The following TBCD variants were observed in gnomAD, a reference collection of about 807,000 sequenced individuals.
The protein encoded by TBCD is tubulin-specific chaperone D.
Under a neutral mutation model 169.3 loss-of-function variants are expected in TBCD, and 105 were observed. The ratio of observed to expected loss-of-function variants is 0.62; its 90% confidence interval spans 0.53 to 0.73. TBCD has a LOEUF of 0.73. TBCD is among the 30% of genes least tolerant of loss of function. The pLI is 0.00. For missense variants in TBCD, 1,444 were observed against 1,600.1 expected, an observed-to-expected ratio of 0.90 and a Z score of 1.66; for synonymous variants, 700 against 643.9, an observed-to-expected ratio of 1.09 and a Z score of -1.32.
intron 14 of TBCD, among the ~76,000 whole-genome samples, chr17:82,871,777 A>G (rs1344762839): frequency 6.6e-6 from 1 of 151,908 alleles, no homozygotes; most frequent in East Asian, 1.9e-4. Context: ...TGGCGGGGCC[A>G]GCGTTGGCCT....
At chr17:82,865,663 G>A in intron 13 of TBCD, 2 of 511,274 alleles carry the variant, frequency 3.9e-6, no homozygotes, top group Non-Finnish European at 5.0e-6. Flanking sequence ...TTTATGCCTG[G>A]CAGTGATGTT....
At chr17:82,854,531 G>A (rs147525622) in intron 13 of TBCD, among the ~76,000 whole-genome samples, 2 of 152,350 alleles carry the variant, frequency 1.3e-5, no homozygotes, top group African/African-American at 2.4e-5. Flanking sequence ...CATCAGAAAG[G>A]CCTGCAGGTT....
intron 6 of TBCD, among the ~76,000 whole-genome samples, chr17:82,779,594 G>A (rs1274490008): frequency 1.3e-5 from 2 of 152,194 alleles, no homozygotes; most frequent in African/African-American, 2.4e-5. Context: ...TTTTGTGAGG[G>A]CCATGACCGA....
intron 13 of TBCD, among the ~76,000 whole-genome samples, chr17:82,856,925 C>T (rs1198076184): frequency 2.9e-5 from 4 of 138,092 alleles, no homozygotes; most frequent in Non-Finnish European, 6.1e-5. Flanking sequence ...TGCGGACCCT[C>T]GGTGCGCATC....
At chr17:82,905,006 GC>G (rs1436131088) in intron 19 of TBCD, among the ~76,000 whole-genome samples, 5 of 152,278 alleles carry the variant, frequency 3.3e-5, no homozygotes, top group African/African-American at 1.2e-4. Context: ...TCAAACCATC[GC>G]AAGCCTGGCA....
At chr17:82,811,085 C>T (rs1394179692) in intron 12 of TBCD, among the ~76,000 whole-genome samples, 1 of 152,186 alleles carries the variant, frequency 6.6e-6, no homozygotes, top group Admixed American at 6.5e-5. Context: ...GAGGGTGCTA[C>T]GTGCTTGGCT....
rs1568079302 is a variant in TBCD at position 82,752,098 on chromosome 17, C to G, written c.-96C>G. On this transcript the variant is annotated 5_prime_UTR_variant, in exon 1 of 39. Coordinates refer to ENST00000355528, the MANE Select transcript of TBCD (RefSeq NM_005993.5). ...CGGTTGCCGCCTTAGCGGGCGCCTC[C>G]TTTTCATCCCTCATCCTTCATCCCT... 10 of 1,321,968 alleles carry G rather than the reference C, an allele frequency of 7.6e-6. No homozygotes were observed. The highest frequency in any genetic ancestry group is 8.8e-6 in the Non-Finnish European group (9 of 1,023,364). 81.9% of individuals were successfully genotyped at this position (1,321,968 alleles called of 1,614,324 possible).
rs144812569 is a variant in TBCD at position 82,806,522 on chromosome 17, G to C, written c.1087+511G>C. Among the ~76,000 whole-genome samples, 1,138 of 152,174 alleles carry C rather than the reference G, an allele frequency of 7.5e-3. 11 individuals are homozygous for C. The highest frequency in any genetic ancestry group is 0.026 in the African/African-American group (1,086 of 41,514). On this transcript the variant is annotated intron_variant, in intron 10 of 38. Transcript: ENST00000355528. This position sits in a 1 kb window ranked among gnomAD's most constrained non-coding sequence, Gnocchi z 5.1. ...GAGCCCCTCATGGCGGCCATCCTGG[G>C]CTCCTGTCCACACACTGTCCTGCCC...
chr17:82,868,964 A>T (rs1031631136), intron 13 of TBCD, among the ~76,000 whole-genome samples: 3 of 151,110 alleles, frequency 2.0e-5, no homozygotes, highest in Non-Finnish European at 4.4e-5. Flanking sequence ...GGTCGTGTGC[A>T]GAGCCCCGAA....
intron 23 of TBCD, among the ~76,000 whole-genome samples, chr17:82,917,003 CTT>C (rs1185300575): frequency 6.2e-5 from 8 of 128,640 alleles, no homozygotes; most frequent in Non-Finnish European, 1.2e-4. Flanking sequence ...TCAGTTTGGA[CTT>C]TTTTTTTTCT....
At chr17:82,860,397 G>T (rs1280473578) in intron 13 of TBCD, 2 of 985,448 alleles carry the variant, frequency 2.0e-6, no homozygotes, top group African/African-American at 3.5e-5. Flanking sequence ...GTGGCTGCTC[G>T]GGTGGCAGTG....
At chr17:82,779,037 G>C (rs1458866769) in intron 6 of TBCD, among the ~76,000 whole-genome samples, 1 of 150,038 alleles carries the variant, frequency 6.7e-6, no homozygotes, top group African/African-American at 2.5e-5. Flanking sequence ...TATTTTTACG[G>C]GGTCTTGCTC....
intron 7 of TBCD, among the ~76,000 whole-genome samples, chr17:82,793,791 G>A (rs1043767907): frequency 4.9e-4 from 74 of 151,976 alleles, no homozygotes; most frequent in African/African-American, 1.7e-3. Flanking sequence ...GCTGCCCTCC[G>A]TGTGCTGAGC....
intron 29 of TBCD, 98 bp downstream of exon 29, chr17:82,927,421 T>C (rs1318566156): frequency 1.4e-6 from 2 of 1,453,130 alleles, no homozygotes; most frequent in Non-Finnish European, 1.8e-6. Context: ...GAAATCTTTG[T>C]AGATTTGTGC....
At position 82,927,268 on chromosome 17, in the gene TBCD, C is replaced by T; in HGVS notation, c.2554C>T (p.Leu852=). ...GAATGTTTCCCAGATTTACTGTGCG[C>T]TGCTGGGCTGCATGGACGACTACAC... ...GENVSQIYCA[L]LGCMDDYTTD... The change falls in exon 29 of 39, where the codon CTG becomes TTG. Residue 852 remains leucine (L), a synonymous_variant. Coordinates refer to ENST00000355528, the MANE Select transcript of TBCD (RefSeq NM_005993.5). 2 of 1,614,038 alleles carry T rather than the reference C, an allele frequency of 1.2e-6. No individual in the cohort carries two copies. The highest frequency in any genetic ancestry group is 1.7e-6 in the Non-Finnish European group (2 of 1,179,900).
intron 13 of TBCD, chr17:82,859,531 G>C: frequency 3.0e-6 from 3 of 984,434 alleles, no homozygotes; most frequent in Non-Finnish European, 3.6e-6. Flanking sequence ...GTCCTGTTGG[G>C]TGAGCAGACA....
At position 82,903,694 on chromosome 17, in the gene TBCD, G is replaced by A. The variant is rs2271917; in HGVS notation, c.1804+216G>A. Among the ~76,000 whole-genome samples the A allele has an allele frequency of 1.3e-4, 20 of 152,360 alleles. No homozygotes were observed. The East Asian group carries it at 3.9e-3, about 29-fold the overall frequency. ...GCAGGGCAGGGAGCCGCTGAACTGT[G>A]TTACGTACACCGGAGCCCGTGATGG... On this transcript the variant is annotated intron_variant, in intron 19 of 38. Transcript: ENST00000355528. The surrounding 1 kb of genome is among the most constrained non-coding windows in gnomAD (Gnocchi z 4.8).
chr17:82,814,738 C>G lies in TBCD; in HGVS notation c.1224-102C>G, dbSNP rs998233484. The G allele has an allele frequency of 2.6e-5, 29 of 1,110,030 alleles. No individual in the cohort carries two copies. The Admixed American group carries it at 3.2e-4, about 12-fold the overall frequency. The allele number at this position is 1,110,030 out of a possible 1,614,324, so 68.8% of individuals were successfully genotyped here. On this transcript the variant is annotated intron_variant, in intron 12 of 38. Transcript: ENST00000355528. ...GTGAGCCTTACGTGAGCCTTACAGG[C>G]AGAGGATATGGACCTGCCAGGCTGT...
At chr17:82,896,029 C>G (rs969483722) in intron 17 of TBCD, 3 of 152,196 alleles carry the variant, frequency 2.0e-5, no homozygotes. Context: ...AAATTCGTAC[C>G]TATCACCACA....
Sources: gnomAD v4.1 joint callset for allele counts (sites outside exome capture counted in the v4.1 genomes callset) on GRCh38, gnomAD v4.1.1 for gene constraint, Gnocchi (gnomAD v3.1) non-coding constraint, MANE v1.5 for transcripts, NCBI Gene and HGNC (gene_info 2026-07-23, HGNC 2026-07-21) for gene names.